The following ITIH2 variants were observed in gnomAD, a reference collection of about 807,000 sequenced individuals.
ITIH2 encodes inter-alpha-trypsin inhibitor heavy chain 2.
A neutral mutation model predicts 104.4 loss-of-function variants in ITIH2; 103 were observed. The ratio of observed to expected loss-of-function variants is 0.99; its 90% confidence interval spans 0.84 to 1.16. ITIH2 has a LOEUF of 1.16. Among genes scored for constraint, ITIH2 ranks in the 50% most tolerant of loss-of-function variants. The probability of loss-of-function intolerance (pLI) is 0.00; values close to 1 mark genes in which losing one functional copy is unlikely to be tolerated. For synonymous variants in ITIH2, 436 were observed against 435.4 expected (o/e 1.00, Z -0.02); for missense variants, 1,108 against 1,162.4 (o/e 0.95, Z 0.68).
intron 16 of ITIH2, 88 bp downstream of exon 16, chr10:7,738,846 C>T (rs1835098169): frequency 7.4e-7 from 1 of 1,353,398 alleles, no homozygotes; most frequent in Non-Finnish European, 9.9e-7. Context: ...GGTGCAGCGG[C>T]TCACGCCTGT....
chr10:7,718,697 G>T (rs1160288120), intron 6 of ITIH2, among the ~76,000 whole-genome samples: 51 of 152,084 alleles, frequency 3.4e-4, no homozygotes, highest in Admixed American at 3.2e-3. Flanking sequence ...CCCTCGAGTA[G>T]GCCCTGGTGT....
intron 5 of ITIH2, among the ~76,000 whole-genome samples, chr10:7,714,370 C>T (rs562625258): frequency 6.6e-6 from 1 of 152,044 alleles, no homozygotes; most frequent in East Asian, 1.9e-4. Context: ...GACGGGGTTT[C>T]ACCGTGTTGG....
intron 16 of ITIH2, among the ~76,000 whole-genome samples, chr10:7,740,007 GA>G (rs1366732398): frequency 6.6e-6 from 1 of 152,162 alleles, no homozygotes; most frequent in Non-Finnish European, 1.5e-5. Context: ...CCAACAGGGG[GA>G]AACCCTGTCT....
intron 5 of ITIH2, among the ~76,000 whole-genome samples, chr10:7,713,701 A>G (rs1204904827): frequency 6.6e-6 from 1 of 151,894 alleles, no homozygotes; most frequent in Non-Finnish European, 1.5e-5. Context: ...GTTTTTTTTA[A>G]TTGTAGTTGT....
intron 5 of ITIH2, among the ~76,000 whole-genome samples, chr10:7,716,328 T>TG (rs1834849482): frequency 6.6e-6 from 1 of 152,238 alleles, no homozygotes; most frequent in Non-Finnish European, 1.5e-5. Context: ...ATCCTAACGC[T>TG]GGAATCACCA....
At chr10:7,721,570 C>G in intron 7 of ITIH2, 79 bp from the exon 8 acceptor site, 1 of 1,357,248 alleles carries the variant, frequency 7.4e-7, no homozygotes, top group Non-Finnish European at 1.0e-6. Context: ...CTCCTCTTCC[C>G]TGTGTGCTGG....
At chr10:7,721,502 C>A (rs1056408508) in intron 7 of ITIH2, 147 bp from the exon 8 acceptor site, 8 of 668,382 alleles carry the variant, frequency 1.2e-5, no homozygotes, top group Middle Eastern at 4.4e-4. Flanking sequence ...CTGGCATGTC[C>A]TTCCCATCAG....
rs751881124 is a variant in ITIH2 at position 7,709,231 on chromosome 10, C to G, written c.362+40C>G. The G allele has an allele frequency of 5.7e-6, 9 of 1,576,660 alleles. No homozygotes were observed. In the African/African-American group the frequency reaches 1.2e-4, roughly 21 times the overall value. ...TGTAGAGCCAGAAATTGTAGGTGCT[C>G]TACTCACAGAATCAAAACCCCTCAT... On this transcript the variant is annotated intron_variant, in intron 4 of 20. Transcript: ENST00000358415.
rs71481737 is a variant in ITIH2, at chr10:7,721,775, G to C, written c.865G>C (p.Glu289Gln). The change falls in exon 8 of 21, where the codon GAG becomes CAG. Residue 289 changes from glutamate to glutamine, a missense_variant and splice_region_variant. By Grantham distance (29) the Glu-to-Gln change is conservative (BLOSUM62 2). Coordinates refer to ENST00000358415, the MANE Select transcript of ITIH2 (RefSeq NM_002216.3). ...AAGAGAAGAGAAGGCTGGTGAACTGGAGGTGAGTGCACACCGGCTCTGGTT... is the reference window on the plus strand; with the variant it reads ...AAGAGAAGAGAAGGCTGGTGAACTGCAGGTGAGTGCACACCGGCTCTGGTT... The part of the protein sequence containing the change: ...VKREEKAGEL[E>Q]VFNGYFVHFF... 1.7e-5 allele frequency: 27 copies of C among 1,613,822 alleles called. No individual in the cohort carries two copies. The highest frequency in any genetic ancestry group is 1.9e-5 in the Non-Finnish European group (23 of 1,179,910).
chr10:7,741,687 A>G (rs1344057738), intron 16 of ITIH2, among the ~76,000 whole-genome samples: 2 of 152,206 alleles, frequency 1.3e-5, no homozygotes, highest in Non-Finnish European at 2.9e-5. Flanking sequence ...ATGAGGGTCA[A>G]GTCACATTTA....
rs780367922 is a variant in ITIH2, at chr10:7,721,818, C to T, written c.867+41C>T. 16 of 1,605,570 alleles carry T rather than the reference C, an allele frequency of 1.0e-5. No individual in the cohort carries two copies. In the South Asian group the frequency reaches 1.8e-4, roughly 18 times the overall value. On this transcript the variant is annotated intron_variant, in intron 8 of 20. Coordinates refer to ENST00000358415, the MANE Select transcript of ITIH2 (RefSeq NM_002216.3). ...CTCTGGTTCTACTGCCAAGCTCGTG[C>T]CAAAGAGCTGCTCCTTTTTGAACAA...
intron 20 of ITIH2, 83 bp downstream of exon 20, chr10:7,746,787 A>T: frequency 1.2e-6 from 1 of 828,658 alleles, no homozygotes. Flanking sequence ...AGCAAAGAAG[A>T]AGTGTCGTAG....
At chr10:7,731,316 T>G (rs879871377) in intron 12 of ITIH2, among the ~76,000 whole-genome samples, 19 of 152,234 alleles carry the variant, frequency 1.2e-4, no homozygotes, top group Non-Finnish European at 1.5e-4. Context: ...GGTAATGTTC[T>G]CAACAAGTCT....
In ITIH2 at chr10:7,746,619, C is replaced by T. The variant is rs746287030; in HGVS notation, c.2608C>T (p.His870Tyr). Residue 870 changes from histidine (H) to tyrosine (Y), a missense_variant, in exon 20 of 21, where the codon CAC becomes TAC. Physicochemically the swap from His to Tyr is moderately conservative, Grantham distance 83. Transcript: ENST00000358415. ...IGQFMQEPKI[H>Y]IFNERPGKDP... ...CCAGTTCATGCAGGAACCAAAGATACACATCTTCAATGAGAGACCAGGAAA... is the reference window on the plus strand; with the variant it reads ...CCAGTTCATGCAGGAACCAAAGATATACATCTTCAATGAGAGACCAGGAAA... 6 of 1,613,368 alleles carry T rather than the reference C, an allele frequency of 3.7e-6. No homozygotes were observed. The Admixed American group carries it at 5.0e-5, about 13-fold the overall frequency.
intron 6 of ITIH2, 129 bp downstream of exon 6, chr10:7,717,917 G>C: frequency 1.2e-6 from 1 of 864,286 alleles, no homozygotes; most frequent in Non-Finnish European, 1.8e-6. Context: ...ACAGTGGGAT[G>C]TATTGAAAAG....
At chr10:7,721,244 A>G (rs1234192409) in intron 7 of ITIH2, among the ~76,000 whole-genome samples, 1 of 152,184 alleles carries the variant, frequency 6.6e-6, no homozygotes, top group Non-Finnish European at 1.5e-5. Context: ...CACATCCTAT[A>G]TGGCAGATTT....
rs980941583 is a variant in ITIH2, at chr10:7,746,703, A to G, written c.2692A>G (p.Arg898Gly). ...EVKGQKLIITRGLQKDYRTDL... is the reference protein window; with the variant it reads ...EVKGQKLIITGGLQKDYRTDL... The stretch of plus-strand genomic sequence containing the variant: ...GAAGGGGCAGAAGCTGATCATCACC[A>G]GGTAGGCCTCGGGCGTAAGGACAGT... Residue 898 changes from arginine to glycine, a missense_variant and splice_region_variant, in exon 20 of 21, where the codon AGG becomes GGG. Coordinates refer to ENST00000358415, the MANE Select transcript of ITIH2 (RefSeq NM_002216.3). 5.0e-6 allele frequency: 8 copies of G among 1,602,524 alleles called. No individual in the cohort carries two copies. In the African/African-American group the frequency reaches 5.4e-5, roughly 11 times the overall value.
At position 7,703,463 on chromosome 10, in the gene ITIH2, GC is replaced by G. The variant is rs1834715878; in HGVS notation, c.30del (p.Phe11SerfsTer13). 1 of 1,613,832 alleles carries G rather than the reference GC, an allele frequency of 6.2e-7. No homozygotes were observed. Among genetic ancestry groups the G allele is most frequent in the Non-Finnish European group, 8.5e-7 (1 of 1,179,902 alleles). ...AAAAGACTCACGTGCTTTTTCATCT[GC>G]TTCTTTCTTTCTGAAGTATCAGGCT... MKRLTCFFI[C>X]FFLSEVSGFE... On this transcript the variant is annotated frameshift_variant, in exon 1 of 21. Coordinates refer to ENST00000358415, the MANE Select transcript of ITIH2 (RefSeq NM_002216.3). LOFTEE classifies it high-confidence loss of function.
intron 16 of ITIH2, among the ~76,000 whole-genome samples, chr10:7,739,274 T>C (rs568404735): frequency 4.6e-5 from 7 of 152,336 alleles, no homozygotes; most frequent in Non-Finnish European, 1.0e-4. Flanking sequence ...TGCTGGCAGT[T>C]AGCTAGTTCA....
Sources: allele counts gnomAD v4.1 joint callset (sites outside exome capture counted in the v4.1 genomes callset), GRCh38; gene constraint gnomAD v4.1.1; transcripts MANE v1.5; gene names NCBI Gene and HGNC (gene_info 2026-07-23, HGNC 2026-07-21).